The following LAMA2 variants were observed in gnomAD, a reference collection of about 807,000 sequenced individuals.
LAMA2 encodes the protein laminin subunit alpha-2.
A neutral mutation model predicts 364.8 loss-of-function variants in LAMA2; 269 were observed. The observed-to-expected ratio is 0.74, with a 90% CI of 0.67 to 0.82. The LOEUF is 0.82. LAMA2 is among the 40% of genes least tolerant of loss of function. LAMA2 has a pLI of 0.00. For synonymous variants in LAMA2, 1,379 were observed against 1,370.6 expected (o/e 1.01, Z -0.14); for missense variants, 3,807 against 3,873.2 (o/e 0.98, Z 0.45).
chr6:129,247,286 C>CA (rs1379860246), intron 12 of LAMA2, among the ~76,000 whole-genome samples: 32 of 152,012 alleles, frequency 2.1e-4, no homozygotes, highest in Non-Finnish European at 2.6e-4. Context: ...CCCATCTCTA[C>CA]AAAAAATACA....
intron 9 of LAMA2, among the ~76,000 whole-genome samples, chr6:129,171,328 A>G (rs1455379476): frequency 6.6e-6 from 1 of 152,022 alleles, no homozygotes; most frequent in Admixed American, 6.6e-5. Flanking sequence ...GTTCCTTTCC[A>G]TGTTTAGTGC....
intron 14 of LAMA2, among the ~76,000 whole-genome samples, chr6:129,259,226 T>C (rs187215493): frequency 3.0e-4 from 46 of 152,264 alleles, no homozygotes; most frequent in Non-Finnish European, 5.9e-4. Context: ...ATCATCACTT[T>C]TGAAGATATG....
chr6:129,033,421 A>G (rs1163044795), intron 1 of LAMA2, among the ~76,000 whole-genome samples: 2 of 152,196 alleles, frequency 1.3e-5, no homozygotes, highest in South Asian at 2.1e-4. Context: ...TGTTGTATTC[A>G]TCAAAGCATA....
At chr6:129,514,128 T>C (rs1406859229) in intron 63 of LAMA2, among the ~76,000 whole-genome samples, 1 of 152,202 alleles carries the variant, frequency 6.6e-6, no homozygotes, top group African/African-American at 2.4e-5. Context: ...TTACCAGCTT[T>C]ACGTATCTTG....
chr6:128,909,280 T>C (rs1424777735), intron 1 of LAMA2, among the ~76,000 whole-genome samples: 1 of 152,116 alleles, frequency 6.6e-6, no homozygotes, highest in African/African-American at 2.4e-5. Flanking sequence ...TAAGTCTCTT[T>C]GTAGGTCACT....
intron 1 of LAMA2, among the ~76,000 whole-genome samples, chr6:129,041,488 C>T (rs193033083): frequency 1.6e-4 from 25 of 152,306 alleles, no homozygotes; most frequent in Middle Eastern, 3.4e-3. Flanking sequence ...TTTTCCTTTG[C>T]TGTATCCAAC....
intron 12 of LAMA2, among the ~76,000 whole-genome samples, chr6:129,216,480 A>G (rs1334526167): frequency 6.6e-6 from 1 of 152,194 alleles, no homozygotes; most frequent in Non-Finnish European, 1.5e-5. Context: ...TGAATGAATC[A>G]TGCTATGTTA....
rs145370789 is a variant in LAMA2, at chr6:128,947,923, A to G, written c.112+64566A>G. Among the ~76,000 whole-genome samples, 1,092 of 152,298 alleles carry G rather than the reference A, an allele frequency of 7.2e-3. 17 individuals carry two copies. The highest frequency in any genetic ancestry group is 0.025 in the African/African-American group (1,043 of 41,562). On this transcript the variant is annotated intron_variant, in intron 1 of 64. Transcript: ENST00000421865. ...AGCTCAGCAAGGTTTTTAGGGAAGC[A>G]GAAATGACTCAGATTTGAAATATAG... is the stretch of plus-strand genomic sequence containing the variant.
At chr6:129,152,719 G>A (rs1314541710) in intron 7 of LAMA2, among the ~76,000 whole-genome samples, 2 of 152,046 alleles carry the variant, frequency 1.3e-5, no homozygotes, top group Admixed American at 6.6e-5. Context: ...CCCTCCACCC[G>A]GCATCCTTGT....
At chr6:129,353,061 T>A in intron 31 of LAMA2, 103 bp from the exon 32 acceptor site, 2 of 800,042 alleles carry the variant, frequency 2.5e-6, no homozygotes, top group East Asian at 5.3e-5. Context: ...ATGTATGGAC[T>A]CTTGCTATCA....
At chr6:128,892,654 G>A (rs1252381774) in intron 1 of LAMA2, among the ~76,000 whole-genome samples, 1 of 151,886 alleles carries the variant, frequency 6.6e-6, no homozygotes, top group Non-Finnish European at 1.5e-5. Context: ...ATGGCCTTCA[G>A]TGGAAAGTCT....
intron 1 of LAMA2, among the ~76,000 whole-genome samples, chr6:129,021,917 T>C (rs1291298835): frequency 6.6e-6 from 1 of 152,222 alleles, no homozygotes; most frequent in Non-Finnish European, 1.5e-5. Flanking sequence ...AATGTGGTTT[T>C]AAGTAGGCCA....
chr6:129,272,845 T>C (rs772946156), intron 17 of LAMA2, among the ~76,000 whole-genome samples: 1 of 152,130 alleles, frequency 6.6e-6, no homozygotes, highest in Non-Finnish European at 1.5e-5. Context: ...GCTTGTATGC[T>C]CCTTATGAGA....
intron 15 of LAMA2, among the ~76,000 whole-genome samples, chr6:129,266,607 C>G (rs563749300): frequency 1.3e-5 from 2 of 152,144 alleles, no homozygotes; most frequent in South Asian, 4.1e-4. Flanking sequence ...GCCTTTCTTC[C>G]AAATCATGTC....
At chr6:128,909,482 T>G (rs996781851) in intron 1 of LAMA2, among the ~76,000 whole-genome samples, 40 of 150,492 alleles carry the variant, frequency 2.7e-4, no homozygotes, top group Middle Eastern at 3.4e-3. Flanking sequence ...TGTTTTCCAT[T>G]TGCTTGGTAG....
At chr6:128,987,525 A>G (rs184101519) in intron 1 of LAMA2, among the ~76,000 whole-genome samples, 29 of 152,294 alleles carry the variant, frequency 1.9e-4, no homozygotes, top group African/African-American at 6.0e-4. Flanking sequence ...CTTCTTTGGG[A>G]GTAATGCCAT....
chr6:128,948,094 A>G (rs1331475254), intron 1 of LAMA2, among the ~76,000 whole-genome samples: 1 of 152,118 alleles, frequency 6.6e-6, no homozygotes, highest in Non-Finnish European at 1.5e-5. Context: ...AATTCTTGCT[A>G]TGAACTAGAA....
intron 1 of LAMA2, among the ~76,000 whole-genome samples, chr6:128,960,776 G>A (rs1476759137): frequency 6.6e-6 from 1 of 151,748 alleles, no homozygotes; most frequent in Non-Finnish European, 1.5e-5. Context: ...ATTCTTTTGT[G>A]CTTTGAGTAG....
At chr6:129,428,182 T>C (rs930601019) in intron 41 of LAMA2, among the ~76,000 whole-genome samples, 3 of 152,176 alleles carry the variant, frequency 2.0e-5, no homozygotes, top group Non-Finnish European at 4.4e-5. Context: ...GTGATTCTAG[T>C]GCTTAGGGAG....
Sources: gnomAD v4.1 joint callset for allele counts (sites outside exome capture counted in the v4.1 genomes callset) on GRCh38, gnomAD v4.1.1 for gene constraint, MANE v1.5 for transcripts, NCBI Gene and HGNC (gene_info 2026-07-23, HGNC 2026-07-21) for gene names.